LDLRAD3: variants seen among roughly 807,000 people sequenced by gnomAD.
LDLRAD3 encodes the protein low density lipoprotein receptor class A domain containing 3.
A neutral mutation model predicts 29.4 loss-of-function variants in LDLRAD3; 20 were observed. The ratio of observed to expected loss-of-function variants is 0.68; its 90% CI spans 0.48 to 0.99. The LOEUF is 0.99. LDLRAD3 is among the 50% of genes least tolerant of loss of function. The pLI is 0.00. For missense variants in LDLRAD3, 420 were observed against 454.3 expected (o/e 0.92, Z 0.69); for synonymous variants, 157 against 192.7 (o/e 0.81, Z 1.53).
rs557939353 is a variant in LDLRAD3, at chr11:36,140,992, T to TTCTCTCTCTCTCTCTCTCTC, written c.454+42556_454+42575dup. Among the ~76,000 whole-genome samples the TTCTCTCTCTCTCTCTCTCTC allele has an allele frequency of 2.9e-3, 318 of 110,028 alleles. 13 individuals are homozygous for TTCTCTCTCTCTCTCTCTCTC. Among genetic ancestry groups the TTCTCTCTCTCTCTCTCTCTC allele is most frequent in the East Asian group, 5.8e-3 (20 of 3,430 alleles). The allele number at this position is 110,028 out of a possible 152,430, so 72.2% of individuals were successfully genotyped here. ...TTTTAATTCTGGGTGCTGTTGAGCT[T>TTCTCTCTCTCTCTCTCTCTC]TCTCTCTCTCTCTCTCTCTCTCTCT... On this transcript the variant is annotated intron_variant, in intron 4 of 5. Transcript: ENST00000315571.
chr11:36,217,057 C>A (rs1471201839), intron 4 of LDLRAD3, among the ~76,000 whole-genome samples: 1 of 152,188 alleles, frequency 6.6e-6, no homozygotes, highest in East Asian at 1.9e-4. Context: ...AAATGGCACA[C>A]TTCACAGGAT....
intron 4 of LDLRAD3, among the ~76,000 whole-genome samples, chr11:36,110,327 TCC>T (rs1853588791): frequency 6.6e-6 from 1 of 152,164 alleles, no homozygotes; most frequent in South Asian, 2.1e-4. Flanking sequence ...CCCCTCCTTG[TCC>T]CTCTCCAGTT....
chr11:35,963,670 G>A (rs112620570), intron 1 of LDLRAD3, among the ~76,000 whole-genome samples: 1,762 of 152,128 alleles, frequency 0.012, 42 homozygotes, highest in African/African-American at 0.041. Flanking sequence ...ACTGTTCTTC[G>A]TCCTGGGAAG....
intron 2 of LDLRAD3, among the ~76,000 whole-genome samples, chr11:36,067,099 A>C (rs1852807532): frequency 6.6e-6 from 1 of 151,872 alleles, no homozygotes; most frequent in Non-Finnish European, 1.5e-5. Context: ...TTTTTTCACT[A>C]ACACACTCCT....
At chr11:36,098,061 G>T (rs1453085281) in intron 3 of LDLRAD3, among the ~76,000 whole-genome samples, 4 of 152,210 alleles carry the variant, frequency 2.6e-5, no homozygotes, top group African/African-American at 9.7e-5. Context: ...GTGTTGAAAG[G>T]CATCAATATT....
At chr11:36,195,474 C>G (rs1443314029) in intron 4 of LDLRAD3, among the ~76,000 whole-genome samples, 1 of 152,202 alleles carries the variant, frequency 6.6e-6, no homozygotes, top group African/African-American at 2.4e-5. Context: ...AACTGATTCT[C>G]TGTTGTTGGC....
At chr11:36,030,186 A>T (rs1326697137) in intron 1 of LDLRAD3, among the ~76,000 whole-genome samples, 2 of 152,164 alleles carry the variant, frequency 1.3e-5, no homozygotes, top group Non-Finnish European at 2.9e-5. Flanking sequence ...CTTCGCCCCA[A>T]ACTCAGACAG....
intron 4 of LDLRAD3, among the ~76,000 whole-genome samples, chr11:36,138,205 T>A (rs966311934): frequency 2.6e-5 from 4 of 152,240 alleles, no homozygotes; most frequent in African/African-American, 9.6e-5. Context: ...ATCCTGACTC[T>A]CACCTTTCTT....
At chr11:35,950,010 G>A (rs947323094) in intron 1 of LDLRAD3, among the ~76,000 whole-genome samples, 23 of 152,136 alleles carry the variant, frequency 1.5e-4, no homozygotes, top group African/African-American at 4.6e-4. Flanking sequence ...TTGGTTGTTC[G>A]TCATTGTGCC....
At chr11:36,116,998 T>C (rs1853685276) in intron 4 of LDLRAD3, among the ~76,000 whole-genome samples, 2 of 152,006 alleles carry the variant, frequency 1.3e-5, no homozygotes, top group South Asian at 2.1e-4. Context: ...CGAGCTGCCA[T>C]GCCCGGCTAA....
chr11:36,132,223 C>T (rs1052737577), intron 4 of LDLRAD3, among the ~76,000 whole-genome samples: 3 of 152,016 alleles, frequency 2.0e-5, no homozygotes, highest in East Asian at 1.9e-4. Flanking sequence ...TAAAGGAGAG[C>T]GGAAGACGGA....
At position 36,153,153 on chromosome 11, in the gene LDLRAD3, G is replaced by C. The variant is rs570299739; in HGVS notation, c.454+54692G>C. Among the ~76,000 whole-genome samples, 20 of 152,120 alleles carry C rather than the reference G, an allele frequency of 1.3e-4. No individual in the cohort carries two copies. The South Asian group carries it at 4.2e-3, about 32-fold the overall frequency. On this transcript the variant is annotated intron_variant, in intron 4 of 5. Coordinates refer to ENST00000315571, the MANE Select transcript of LDLRAD3 (RefSeq NM_174902.4). ...TGGCTTCGGGTTCTTGGAGGACGCC[G>C]AGAGATGCCCAGCATAGTCGGGGTG...
intron 2 of LDLRAD3, among the ~76,000 whole-genome samples, chr11:36,074,104 TCTTTC>T: frequency 6.6e-6 from 1 of 152,372 alleles, no homozygotes; most frequent in South Asian, 2.1e-4. Context: ...CCGGCCTCAC[TCTTTC>T]CTTTTATAGG....
chr11:36,002,959 C>G (rs1159871322), intron 1 of LDLRAD3, among the ~76,000 whole-genome samples: 1 of 152,220 alleles, frequency 6.6e-6, no homozygotes, highest in Non-Finnish European at 1.5e-5. Context: ...TATAGAGTAA[C>G]CTTGCATGTG....
At chr11:35,992,976 T>G (rs1304757687) in intron 1 of LDLRAD3, among the ~76,000 whole-genome samples, 1 of 152,192 alleles carries the variant, frequency 6.6e-6, no homozygotes, top group African/African-American at 2.4e-5. Flanking sequence ...TCCAGTCTTT[T>G]CCATTTTTTT....
At chr11:36,209,261 T>C (rs1855250904) in intron 4 of LDLRAD3, among the ~76,000 whole-genome samples, 1 of 152,150 alleles carries the variant, frequency 6.6e-6, no homozygotes, top group African/African-American at 2.4e-5. Flanking sequence ...AATACAGTTG[T>C]TCCAAGGTTA....
At chr11:36,107,204 C>A (rs921678873) in intron 4 of LDLRAD3, among the ~76,000 whole-genome samples, 1 of 143,886 alleles carries the variant, frequency 6.9e-6, no homozygotes, top group Non-Finnish European at 1.5e-5. Context: ...TTTTCTTTTT[C>A]TTTTTTTTTT....
chr11:36,012,347 A>G (rs1292705231), intron 1 of LDLRAD3, among the ~76,000 whole-genome samples: 2 of 152,198 alleles, frequency 1.3e-5, no homozygotes, highest in East Asian at 3.8e-4. Context: ...AATTTCACAG[A>G]TAGAAAATTT....
chr11:35,949,908 A>G (rs996694950), intron 1 of LDLRAD3, among the ~76,000 whole-genome samples: 1 of 152,240 alleles, frequency 6.6e-6, no homozygotes, highest in Non-Finnish European at 1.5e-5. Flanking sequence ...CCCTCTTGGA[A>G]AAGCCTTCTG....
Sources: allele counts gnomAD v4.1 joint callset (sites outside exome capture counted in the v4.1 genomes callset), GRCh38; gene constraint gnomAD v4.1.1; transcripts MANE v1.5; gene names NCBI Gene and HGNC (gene_info 2026-07-23, HGNC 2026-07-21).